The following USP15 variants were observed in gnomAD, a reference collection of about 807,000 sequenced individuals.
USP15 encodes the protein ubiquitin specific peptidase 15, also known as ubiquitin carboxyl-terminal hydrolase 15.
USP15 carries 18 observed loss-of-function variants against 127.1 expected under a neutral mutation model. The ratio of observed to expected loss-of-function variants is 0.14; its 90% confidence interval spans 0.10 to 0.21. The LOEUF is 0.21. Among genes scored for constraint, USP15 ranks in the 10% least tolerant of loss-of-function variants. The pLI is 1.00. For synonymous variants in USP15, 364 were observed against 393.7 expected (o/e 0.92, Z 0.89); for missense variants, 805 against 1,159.9 (o/e 0.69, Z 4.44).
At chr12:62,315,882 G>A (rs1264726564) in intron 4 of USP15, among the ~76,000 whole-genome samples, 1 of 152,108 alleles carries the variant, frequency 6.6e-6, no homozygotes, top group East Asian at 1.9e-4. Context: ...CTCAGTGCTT[G>A]GTTAATCCTA....
At chr12:62,399,983 G>A (rs2067626604) in intron 20 of USP15, among the ~76,000 whole-genome samples, 2 of 152,048 alleles carry the variant, frequency 1.3e-5, no homozygotes, top group Non-Finnish European at 2.9e-5. Context: ...TTTGATTTCA[G>A]CCTTATTAAG....
intron 1 of USP15, among the ~76,000 whole-genome samples, chr12:62,262,818 A>C (rs2063106006): frequency 6.6e-6 from 1 of 152,162 alleles, no homozygotes; most frequent in South Asian, 2.1e-4. Flanking sequence ...TCATAAATTT[A>C]AGTCATTTCA....
intron 8 of USP15, among the ~76,000 whole-genome samples, chr12:62,362,548 T>A (rs1477641956): frequency 1.3e-5 from 2 of 152,182 alleles, no homozygotes; most frequent in Middle Eastern, 3.2e-3. Flanking sequence ...ATGACAAAGT[T>A]GATTTTTGAA....
At position 62,326,944 on chromosome 12, in the gene USP15, A is replaced by G. The variant is rs2065144542; in HGVS notation, c.683+1011A>G. Among the ~76,000 whole-genome samples the G allele has an allele frequency of 3.9e-5, 6 of 152,146 alleles. No individual in the cohort carries two copies. In the South Asian group the frequency reaches 1.2e-3, roughly 32 times the overall value. ...CAGGAGTTTAAGACCAGCCTGGCCAACATGGTGAAACCCCATCTCTACTAA... is the reference window on the plus strand; with the variant it reads ...CAGGAGTTTAAGACCAGCCTGGCCAGCATGGTGAAACCCCATCTCTACTAA... On this transcript the variant is annotated intron_variant, in intron 6 of 21. Transcript: ENST00000280377.
chr12:62,300,071 A>T (rs552336709), intron 2 of USP15, among the ~76,000 whole-genome samples: 1 of 152,068 alleles, frequency 6.6e-6, no homozygotes, highest in East Asian at 1.9e-4. Context: ...CAGATGTATG[A>T]TTTGCAAAAA....
At chr12:62,266,806 C>T (rs947702194) in intron 1 of USP15, among the ~76,000 whole-genome samples, 1 of 152,010 alleles carries the variant, frequency 6.6e-6, no homozygotes, top group African/African-American at 2.4e-5. Context: ...TTACTACCAG[C>T]GGACATTTAT....
At position 62,407,131 on chromosome 12, in the gene USP15, G is replaced by A. The variant is rs958980463; in HGVS notation, c.*2756G>A. 6.6e-6 allele frequency: 1 copy of A among 152,112 alleles called. No homozygotes were observed. The highest frequency in any genetic ancestry group is 1.5e-5 in the Non-Finnish European group (1 of 68,036). 9.4% of individuals were successfully genotyped at this position (152,112 alleles called of 1,614,324 possible). ...GATGATAATAGCCAGCATTTATTGA[G>A]CACTTACTATGGACCAGGCACTATA... On this transcript the variant is annotated 3_prime_UTR_variant, in exon 22 of 22. Coordinates refer to ENST00000280377, the MANE Select transcript of USP15 (RefSeq NM_001252078.2).
intron 1 of USP15, among the ~76,000 whole-genome samples, chr12:62,287,176 G>A (rs892758446): frequency 6.6e-6 from 1 of 151,984 alleles, no homozygotes; most frequent in Non-Finnish European, 1.5e-5. Context: ...AAAGAGAAGA[G>A]GGAGAGAGGG....
rs1180888678 is a variant in USP15, at chr12:62,384,005, T to G, written c.1248+7T>G. 2 of 1,611,600 alleles carry G rather than the reference T, an allele frequency of 1.2e-6. No individual in the cohort carries two copies. The highest frequency in any genetic ancestry group is 2.7e-5 in the African/African-American group (2 of 74,768). On this transcript the variant is annotated splice_region_variant and intron_variant, in intron 10 of 21. Coordinates refer to ENST00000280377, the MANE Select transcript of USP15 (RefSeq NM_001252078.2). ...AGATGGAAGGCCAGATAAGGTAAAT[T>G]TCATGATCCTATTGTCACCATTGTT...
chr12:62,260,917 T>C (rs370806631), intron 1 of USP15, among the ~76,000 whole-genome samples: 16 of 152,294 alleles, frequency 1.1e-4, no homozygotes, highest in African/African-American at 3.9e-4. Context: ...TCTGTTCATT[T>C]CCTTTCCTAG....
intron 8 of USP15, chr12:62,374,618 T>G (rs2066766259): frequency 1.0e-6 from 1 of 963,514 alleles, no homozygotes; most frequent in African/African-American, 1.8e-5. Context: ...GACTGAAGAC[T>G]TGAGATTTGG....
chr12:62,292,546 A>G (rs1022014425), intron 1 of USP15, among the ~76,000 whole-genome samples: 2 of 152,154 alleles, frequency 1.3e-5, no homozygotes, highest in African/African-American at 4.8e-5. Flanking sequence ...GGGAGCAGCA[A>G]TTACTGTGTC....
At chr12:62,306,565 G>C (rs1289207947) in intron 3 of USP15, among the ~76,000 whole-genome samples, 2 of 152,216 alleles carry the variant, frequency 1.3e-5, no homozygotes, top group South Asian at 2.1e-4. Flanking sequence ...GTTAAAGATA[G>C]TATTTAATGA....
intron 4 of USP15, among the ~76,000 whole-genome samples, chr12:62,315,530 A>C (rs1025662700): frequency 6.6e-6 from 1 of 152,184 alleles, no homozygotes; most frequent in African/African-American, 2.4e-5. Context: ...TTTAATAAAA[A>C]TTACATGGTT....
At chr12:62,293,121 T>C in intron 1 of USP15, among the ~76,000 whole-genome samples, 1 of 152,128 alleles carries the variant, frequency 6.6e-6, no homozygotes, top group Non-Finnish European at 1.5e-5. Context: ...CAGTCTAGGT[T>C]TGTGAGAGCA....
At chr12:62,372,195 A>G (rs974745030) in intron 8 of USP15, among the ~76,000 whole-genome samples, 3 of 152,126 alleles carry the variant, frequency 2.0e-5, no homozygotes, top group Non-Finnish European at 4.4e-5. Context: ...GAATTATAGC[A>G]CATAATATAT....
At chr12:62,262,847 A>C (rs1214363485) in intron 1 of USP15, among the ~76,000 whole-genome samples, 1 of 152,200 alleles carries the variant, frequency 6.6e-6, no homozygotes, top group East Asian at 1.9e-4. Flanking sequence ...ATTTTAAATA[A>C]AAGTAAACTG....
intron 1 of USP15, 47 bp from the exon 2 acceptor site, chr12:62,294,132 C>G: frequency 3.1e-6 from 5 of 1,593,804 alleles, no homozygotes; most frequent in Non-Finnish European, 4.3e-6. Context: ...TTCTACTGTT[C>G]CTGTATTTTC....
At chr12:62,294,495 GTT>G (rs2064070664) in intron 2 of USP15, 189 bp downstream of exon 2, 2 of 526,740 alleles carry the variant, frequency 3.8e-6, no homozygotes, top group Non-Finnish European at 6.0e-6. Context: ...TGTATGACAA[GTT>G]TTGTTTTTCA....
Sources: allele counts gnomAD v4.1 joint callset (sites outside exome capture counted in the v4.1 genomes callset), GRCh38; gene constraint gnomAD v4.1.1; transcripts MANE v1.5; gene names NCBI Gene and HGNC (gene_info 2026-07-23, HGNC 2026-07-21).